Variants in ALDH1L1 observed in about 807,000 individuals in gnomAD.
ALDH1L1 encodes aldehyde dehydrogenase 1 family member L1.
ALDH1L1 carries 68 observed loss-of-function variants against 101.1 expected under a neutral mutation model. The observed-to-expected ratio is 0.67, with a 90% CI of 0.55 to 0.82. The LOEUF (loss-of-function observed/expected upper bound fraction) is 0.82. Ranked by LOEUF, ALDH1L1 falls within the 40% of genes least tolerant of loss-of-function variation. The pLI, the probability that ALDH1L1 is intolerant of heterozygous loss-of-function variation, is 0.00. For synonymous variants in ALDH1L1, 486 were observed against 470.8 expected (o/e 1.03, Z -0.42); for missense variants, 1,087 against 1,172.7 (o/e 0.93, Z 1.07).
At chr3:126,193,499 A>G (rs2081565152) in intron 1 of ALDH1L1, among the ~76,000 whole-genome samples, 1 of 152,160 alleles carries the variant, frequency 6.6e-6, no homozygotes, top group South Asian at 2.1e-4. Context: ...AGTGTAACCA[A>G]AACTTAGGGC....
intron 8 of ALDH1L1, among the ~76,000 whole-genome samples, chr3:126,148,262 G>A (rs1364878219): frequency 6.6e-6 from 1 of 152,238 alleles, no homozygotes; most frequent in Non-Finnish European, 1.5e-5. Flanking sequence ...TTCCGTGTGT[G>A]AGGCAGGCAG....
chr3:126,108,558 G>A (rs563424820), intron 20 of ALDH1L1, among the ~76,000 whole-genome samples: 2 of 152,350 alleles, frequency 1.3e-5, no homozygotes, highest in East Asian at 1.9e-4. Flanking sequence ...ACAGTCCAGC[G>A]GGAGTGGGAA....
chr3:126,137,224 G>T (rs77745036), intron 10 of ALDH1L1, among the ~76,000 whole-genome samples: 2,914 of 152,284 alleles, frequency 0.019, 95 homozygotes, highest in African/African-American at 0.065. Context: ...CATCCCTGTG[G>T]ATTGGCAATT....
At chr3:126,140,952 G>C (rs1025325577) in intron 9 of ALDH1L1, among the ~76,000 whole-genome samples, 4 of 152,020 alleles carry the variant, frequency 2.6e-5, no homozygotes, top group Admixed American at 1.3e-4. Context: ...AATGTAAATG[G>C]ATTAAACTCT....
chr3:126,141,179 T>C (rs1312313495), intron 9 of ALDH1L1, among the ~76,000 whole-genome samples: 1 of 152,060 alleles, frequency 6.6e-6, no homozygotes, highest in Non-Finnish European at 1.5e-5. Flanking sequence ...GACATTATAT[T>C]GATACAAAGT....
chr3:126,174,793 T>C (rs989436096), intron 1 of ALDH1L1, among the ~76,000 whole-genome samples: 2 of 152,004 alleles, frequency 1.3e-5, no homozygotes, highest in Non-Finnish European at 2.9e-5. Flanking sequence ...GCATATATTA[T>C]TAAAGAAGAA....
intron 1 of ALDH1L1, among the ~76,000 whole-genome samples, chr3:126,169,295 T>G (rs2081227331): frequency 6.6e-6 from 1 of 152,198 alleles, no homozygotes; most frequent in African/African-American, 2.4e-5. Context: ...TAAAGCGTGT[T>G]TTTTTCTCTT....
At chr3:126,187,842 G>A (rs2081529806) in intron 1 of ALDH1L1, among the ~76,000 whole-genome samples, 1 of 152,152 alleles carries the variant, frequency 6.6e-6, no homozygotes. Flanking sequence ...CAGAACAGAA[G>A]GTGGAGGTGA....
intron 14 of ALDH1L1, among the ~76,000 whole-genome samples, chr3:126,126,446 C>T (rs528375129): frequency 6.6e-6 from 1 of 152,336 alleles, no homozygotes; most frequent in South Asian, 2.1e-4. Flanking sequence ...CACGCACAGG[C>T]TCCTGTCGCC....
intron 1 of ALDH1L1, among the ~76,000 whole-genome samples, chr3:126,172,903 A>T (rs371908604): frequency 3.9e-4 from 59 of 152,312 alleles, no homozygotes; most frequent in African/African-American, 1.4e-3. Context: ...GATTACATCA[A>T]ACGTCTCTTC....
chr3:126,148,903 C>T (rs954330645), intron 8 of ALDH1L1, among the ~76,000 whole-genome samples: 2 of 152,174 alleles, frequency 1.3e-5, no homozygotes, highest in Non-Finnish European at 2.9e-5. Context: ...CTCTAGGTTC[C>T]CCTAAAACCT....
chr3:126,143,553 T>C (rs1302421062), intron 9 of ALDH1L1, among the ~76,000 whole-genome samples: 2 of 152,238 alleles, frequency 1.3e-5, no homozygotes, highest in Non-Finnish European at 2.9e-5. Flanking sequence ...GAGACTACTG[T>C]ACTGGAAGTT....
intron 1 of ALDH1L1, among the ~76,000 whole-genome samples, 194 bp from the exon 2 acceptor site, chr3:126,161,196 A>G (rs150423430): frequency 7.5e-4 from 114 of 152,332 alleles, no homozygotes; most frequent in Non-Finnish European, 1.4e-3. Flanking sequence ...ACATGACCCA[A>G]TGGATCCCTA....
At chr3:126,103,899 T>C in intron 22 of ALDH1L1, 53 bp from the exon 23 acceptor site, 1 of 1,590,052 alleles carries the variant, frequency 6.3e-7, no homozygotes, top group Non-Finnish European at 8.6e-7. Context: ...AGGGCACTGC[T>C]CGGGGCTGCA....
Position 126,180,110 on chromosome 3 carries a change from T to C in ALDH1L1, c.-24+366A>G, listed in dbSNP as rs140046519. 4.0e-3 allele frequency: 608 copies of C among 152,644 alleles called. 4 individuals are homozygous for C. The highest frequency in any genetic ancestry group is 0.014 in the African/African-American group (574 of 41,580). 9.5% of individuals were successfully genotyped at this position (152,644 alleles called of 1,614,324 possible). ...TCATCGCGTCGCCTTCGCTGGTCCCTTTCTCTTATCGAGCCTCAGTTTTCT... is the reference window on the plus strand; with the variant it reads ...TCATCGCGTCGCCTTCGCTGGTCCCCTTCTCTTATCGAGCCTCAGTTTTCT... On this transcript the variant is annotated intron_variant, in intron 1 of 22. Coordinates refer to ENST00000393434, the MANE Select transcript of ALDH1L1 (RefSeq NM_012190.4).
At chr3:126,152,883 AG>A (rs1373326441) in intron 7 of ALDH1L1, 1 of 189,576 alleles carries the variant, frequency 5.3e-6, no homozygotes, top group Non-Finnish European at 1.1e-5. Flanking sequence ...TAGTGTTGTT[AG>A]GCAGATTAAA....
intron 2 of ALDH1L1, among the ~76,000 whole-genome samples, chr3:126,159,813 A>G (rs1401865527): frequency 6.6e-6 from 1 of 152,188 alleles, no homozygotes; most frequent in Non-Finnish European, 1.5e-5. Context: ...GGTCAGGTCC[A>G]AGACTGAAGC....
chr3:126,155,020 G>A (rs1401126350), intron 5 of ALDH1L1, among the ~76,000 whole-genome samples: 2 of 152,174 alleles, frequency 1.3e-5, no homozygotes, highest in African/African-American at 4.8e-5. Context: ...CAGCCTACAG[G>A]CTTCTGAGGC....
chr3:126,127,947 G>A (rs3821462), intron 14 of ALDH1L1, among the ~76,000 whole-genome samples: 96,678 of 151,946 alleles, frequency 0.64, 30,855 homozygotes, highest in Middle Eastern at 0.72. Flanking sequence ...CAGAGGTCTG[G>A]CGGATGCATC....
Sources: gnomAD v4.1 joint callset for allele counts (sites outside exome capture counted in the v4.1 genomes callset) on GRCh38, gnomAD v4.1.1 for gene constraint, MANE v1.5 for transcripts, NCBI Gene and HGNC (gene_info 2026-07-23, HGNC 2026-07-21) for gene names.